Variants in PDE11A observed in about 807,000 individuals in gnomAD.
PDE11A encodes dual 3',5'-cyclic-AMP and -GMP phosphodiesterase 11A.
A neutral mutation model predicts 100.5 loss-of-function variants in PDE11A; 100 were observed. The ratio of observed to expected loss-of-function variants is 1.00; its 90% confidence interval spans 0.85 to 1.18. The LOEUF (loss-of-function observed/expected upper bound fraction) is 1.18. Among genes scored for constraint, PDE11A ranks in the 50% most tolerant of loss-of-function variants. The pLI is 0.00. For synonymous variants in PDE11A, 381 were observed against 420.8 expected (o/e 0.91, Z 1.16); for missense variants, 1,141 against 1,152.6 (o/e 0.99, Z 0.15).
At chr2:177,946,706 C>T (rs1394322461) in intron 2 of PDE11A, among the ~76,000 whole-genome samples, 1,033 of 72,120 alleles carry the variant, frequency 0.014, 2 homozygotes, top group Admixed American at 0.032. Flanking sequence ...GCCCCCCGCC[C>T]GGCCAGCCGC....
chr2:177,964,845 T>C (rs894856458), intron 2 of PDE11A, among the ~76,000 whole-genome samples: 1 of 152,328 alleles, frequency 6.6e-6, no homozygotes. Context: ...TGTATATGTG[T>C]CTTTATGGTA....
chr2:177,898,973 C>T (rs186040513), intron 3 of PDE11A, among the ~76,000 whole-genome samples: 86 of 152,266 alleles, frequency 5.6e-4, no homozygotes, highest in Non-Finnish European at 1.0e-3. Flanking sequence ...ATTGGCCATT[C>T]CCAGCTTTTC....
intron 9 of PDE11A, among the ~76,000 whole-genome samples, chr2:177,775,263 G>A (rs2082362982): frequency 6.6e-6 from 1 of 152,138 alleles, no homozygotes; most frequent in Non-Finnish European, 1.5e-5. Flanking sequence ...CGTTACAGCA[G>A]CCACAGGAAA....
intron 12 of PDE11A, among the ~76,000 whole-genome samples, chr2:177,725,096 G>A (rs1221740422): frequency 6.6e-6 from 1 of 152,066 alleles, no homozygotes; most frequent in Non-Finnish European, 1.5e-5. Context: ...ATCTTCAGGA[G>A]TGCCAAAAGC....
intron 2 of PDE11A, chr2:177,998,515 G>T: frequency 1.4e-6 from 2 of 1,388,822 alleles, no homozygotes; most frequent in Admixed American, 3.4e-5. Flanking sequence ...AATTGAGGCA[G>T]TTCTTTAATT....
chr2:177,802,180 T>C (rs192010298), intron 9 of PDE11A, among the ~76,000 whole-genome samples: 6 of 152,170 alleles, frequency 3.9e-5, no homozygotes, highest in Admixed American at 1.3e-4. Context: ...CTTACCAGAA[T>C]GACTAAAATT....
rs1202759885 is a variant in PDE11A at position 177,687,717 on chromosome 2, TG to T, written c.2346-6815del. The T allele has an allele frequency of 4.0e-4, 61 of 152,370 alleles. 1 individual carries two copies. Among genetic ancestry groups the T allele is most frequent in the African/African-American group, 1.4e-3 (60 of 41,580 alleles). 9.4% of individuals were successfully genotyped at this position (152,370 alleles called of 1,614,324 possible). ...GAATATGTACATGTATATGTAAAAT[TG>T]CTGGGTCATAGAATGACTTCTTTTC... On this transcript the variant is annotated intron_variant, in intron 15 of 19. Coordinates refer to ENST00000286063, the MANE Select transcript of PDE11A (RefSeq NM_016953.4).
chr2:178,011,057 A>T (rs4893995), intron 2 of PDE11A, among the ~76,000 whole-genome samples: 92,633 of 151,938 alleles, frequency 0.61, 29,459 homozygotes, highest in Admixed American at 0.72. Flanking sequence ...CATTTGGAAC[A>T]CTCAAAGGGG....
intron 5 of PDE11A, among the ~76,000 whole-genome samples, chr2:177,844,606 T>C (rs931563909): frequency 6.6e-6 from 1 of 151,826 alleles, no homozygotes; most frequent in Non-Finnish European, 1.5e-5. Context: ...GGCTGGGTCA[T>C]AGGACAATAG....
chr2:177,625,853 G>T lies in PDE11A; in HGVS notation c.*3554C>A, dbSNP rs2079824527. 6.6e-6 allele frequency: 1 copy of T among 152,570 alleles called. No homozygotes were observed. The highest frequency in any genetic ancestry group is 1.5e-5 in the Non-Finnish European group (1 of 68,028). The allele number at this position is 152,570 out of a possible 1,614,324, so 9.5% of individuals were successfully genotyped here. A position where few individuals can be genotyped will look rare whatever the true frequency, so the allele number is the denominator to read the frequency against. ...CAAGAGTTCAACCTCTAACCTCTGG[G>T]GTTGTTGGCACCAGGAAGCTGCTAC... is the stretch of plus-strand genomic sequence containing the variant. On this transcript the variant is annotated 3_prime_UTR_variant, in exon 20 of 20. Transcript: ENST00000286063.
intron 4 of PDE11A, among the ~76,000 whole-genome samples, chr2:177,886,490 T>A (rs2084432158): frequency 6.6e-6 from 1 of 152,192 alleles, no homozygotes; most frequent in South Asian, 2.1e-4. Flanking sequence ...TCTTGGTGAA[T>A]CAAAGCTTCT....
In PDE11A at chr2:177,660,316, C is replaced by T. The variant is rs75792454; in HGVS notation, c.2646+3550G>A. Among the ~76,000 whole-genome samples the T allele has an allele frequency of 7.7e-3, 1,166 of 152,068 alleles. 11 individuals are homozygous for T. Among genetic ancestry groups the T allele is most frequent in the African/African-American group, 0.027 (1,114 of 41,478 alleles). ...AGCTATTCATCGATTTGGGACTGTT[C>T]TGTGCATGTGTCCTACCCACCTGGC... On this transcript the variant is annotated intron_variant, in intron 19 of 19. Transcript: ENST00000286063.
At chr2:177,967,380 T>C (rs1165561523) in intron 2 of PDE11A, among the ~76,000 whole-genome samples, 1 of 151,868 alleles carries the variant, frequency 6.6e-6, no homozygotes, top group Non-Finnish European at 1.5e-5. Context: ...ATAGTTTTAG[T>C]AGAGACAAGG....
At chr2:177,866,644 C>T (rs1329802419) in intron 5 of PDE11A, among the ~76,000 whole-genome samples, 1 of 152,186 alleles carries the variant, frequency 6.6e-6, no homozygotes, top group African/African-American at 2.4e-5. Context: ...CTTAGTAGGA[C>T]TGAATGTGTC....
At chr2:177,865,464 G>A (rs1425949960) in intron 5 of PDE11A, among the ~76,000 whole-genome samples, 1 of 152,182 alleles carries the variant, frequency 6.6e-6, no homozygotes, top group Non-Finnish European at 1.5e-5. Context: ...TGGTCCAAAA[G>A]TTAGACACAG....
At chr2:177,912,250 G>A (rs2084891094) in intron 2 of PDE11A, among the ~76,000 whole-genome samples, 1 of 152,096 alleles carries the variant, frequency 6.6e-6, no homozygotes, top group Non-Finnish European at 1.5e-5. Flanking sequence ...GGGAAATTGA[G>A]GTGCTTCTAC....
chr2:177,752,726 G>C (rs2082040816), intron 10 of PDE11A, among the ~76,000 whole-genome samples: 1 of 152,154 alleles, frequency 6.6e-6, no homozygotes, highest in Non-Finnish European at 1.5e-5. Context: ...CAGGCATTTT[G>C]TTAGTCACCG....
intron 3 of PDE11A, among the ~76,000 whole-genome samples, chr2:177,899,232 C>T (rs2084661637): frequency 6.6e-6 from 1 of 151,966 alleles, no homozygotes; most frequent in Non-Finnish European, 1.5e-5. Context: ...ACGGTGAAAC[C>T]CCGACTCTAC....
chr2:177,725,174 G>A (rs1018114893), intron 12 of PDE11A, among the ~76,000 whole-genome samples: 2 of 152,112 alleles, frequency 1.3e-5, no homozygotes, highest in African/African-American at 4.8e-5. Context: ...TTCCAGAGAT[G>A]AGAATTGATG....
Sources: allele counts gnomAD v4.1 joint callset (sites outside exome capture counted in the v4.1 genomes callset), GRCh38; gene constraint gnomAD v4.1.1; transcripts MANE v1.5; gene names NCBI Gene and HGNC (gene_info 2026-07-23, HGNC 2026-07-21).